Variants in RELN observed in about 807,000 individuals in gnomAD.
RELN encodes the protein reelin.
RELN carries 108 observed loss-of-function variants against 427.6 expected under a neutral mutation model. The observed-to-expected ratio is 0.25, with a 90% CI of 0.22 to 0.30. The LOEUF is 0.30. Among genes scored for constraint, RELN ranks in the 10% least tolerant of loss-of-function variants. RELN has a pLI of 1.00. For missense variants in RELN, 3,715 were observed against 4,302.8 expected (o/e 0.86, Z 3.82); for synonymous variants, 1,524 against 1,513.4 (o/e 1.01, Z -0.16).
At chr7:103,899,913 C>T (rs1028422836) in intron 2 of RELN, among the ~76,000 whole-genome samples, 2 of 152,126 alleles carry the variant, frequency 1.3e-5, no homozygotes, top group African/African-American at 2.4e-5. Flanking sequence ...TCTTTCACCA[C>T]TCCTATTCAA....
At chr7:103,556,821 C>T (rs778695631) in intron 38 of RELN, among the ~76,000 whole-genome samples, 156 bp downstream of exon 38, 5 of 152,164 alleles carry the variant, frequency 3.3e-5, no homozygotes, top group East Asian at 1.9e-4. Context: ...AGCACGAAAA[C>T]GGACTAATAC....
chr7:103,755,628 A>AAAT (rs1562993503), intron 4 of RELN, among the ~76,000 whole-genome samples: 10 of 94,846 alleles, frequency 1.1e-4, no homozygotes, highest in African/African-American at 4.7e-4. Context: ...TAAAAAAAAT[A>AAAT]AAATAAATAA....
chr7:103,491,846 T>TCACACACACACACACACACA, intron 58 of RELN, 107 bp downstream of exon 58: 1 of 609,820 alleles, frequency 1.6e-6, no homozygotes, highest in East Asian at 3.9e-5. Flanking sequence ...TCTCTCTCTC[T>TCACACACACACACACACACA]CTCTCTCTCT....
intron 8 of RELN, among the ~76,000 whole-genome samples, chr7:103,704,992 G>A (rs994920474): frequency 4.6e-5 from 7 of 152,160 alleles, no homozygotes; most frequent in African/African-American, 1.2e-4. Flanking sequence ...TTTCTGGGAT[G>A]TTCTCTTCTC....
At chr7:103,583,413 T>A (rs553726948) in intron 28 of RELN, among the ~76,000 whole-genome samples, 2 of 152,358 alleles carry the variant, frequency 1.3e-5, no homozygotes, top group South Asian at 4.1e-4. Flanking sequence ...AGATTTGATA[T>A]TGGGGAAGCC....
rs1831541613 is a variant in RELN, at chr7:103,596,566, G to A, written c.3429C>T (p.Cys1143=). 1 of 1,613,922 alleles carries A rather than the reference G, an allele frequency of 6.2e-7. No homozygotes were observed. Among genetic ancestry groups the A allele is most frequent in the African/African-American group, 1.3e-5 (1 of 74,926 alleles). The change falls in exon 25 of 65, where the codon TGC becomes TGT. Residue 1143 remains cysteine (C), a synonymous_variant. Transcript: ENST00000428762. Reference sequence around the variant, plus strand: ...CCTCCTCTCTGCTGTCAGGCTTGTTGCATGAAGCACTCTCTCCGCCTATCT... The same window carrying A: ...CCTCCTCTCTGCTGTCAGGCTTGTTACATGAAGCACTCTCTCCGCCTATCT... ...YIQIGGESAS[C]NKPDSREEGV...
intron 49 of RELN, among the ~76,000 whole-genome samples, chr7:103,518,054 C>T (rs947997912): frequency 1.3e-5 from 2 of 152,116 alleles, no homozygotes; most frequent in East Asian, 3.9e-4. Context: ...ATGAAAGTCA[C>T]ATGCTGAGTG....
chr7:103,620,176 G>A lies in RELN; in HGVS notation c.2703-8373C>T, dbSNP rs1832185044. Among the ~76,000 whole-genome samples the A allele has an allele frequency of 6.6e-6, 1 of 152,110 alleles. No individual in the cohort carries two copies. Among genetic ancestry groups the A allele is most frequent in the Non-Finnish European group, 1.5e-5 (1 of 68,030 alleles). On this transcript the variant is annotated intron_variant, in intron 20 of 64. Transcript: ENST00000428762. The surrounding 1 kb of genome is among the most constrained non-coding windows in gnomAD (Gnocchi z 4.1). ...TCATGAGAACTGATGATTTTATAAG[G>A]CTTTTGCTTGACTCTCATTTTGTCT... is the stretch of plus-strand genomic sequence containing the variant.
chr7:103,593,828 A>T lies in RELN; in HGVS notation c.3766T>A (p.Leu1256Met). The T allele has an allele frequency of 6.2e-7, 1 of 1,613,984 alleles. No homozygotes were observed. The highest frequency in any genetic ancestry group is 1.3e-5 in the African/African-American group (1 of 75,054). The stretch of plus-strand genomic sequence containing the variant: ...ACCATTCCTTCATTAGCCAACATCA[A>T]CCACACACTCATCTGATTCATAGGG... ...DYPMNQMSVW[L>M]MLANEGMVKN... Residue 1256 changes from leucine (L) to methionine (M), a missense_variant, in exon 27 of 65, where the codon TTG becomes ATG. By Grantham distance (15) the Leu-to-Met change is conservative. Transcript: ENST00000428762.
intron 3 of RELN, among the ~76,000 whole-genome samples, chr7:103,816,278 C>T (rs1350280097): frequency 6.6e-6 from 1 of 152,090 alleles, no homozygotes; most frequent in East Asian, 1.9e-4. Context: ...ACTCAGGAGG[C>T]TGGAGCAGGA....
chr7:103,917,168 T>G lies in RELN; in HGVS notation c.244A>C (p.Thr82Pro). The stretch of plus-strand genomic sequence containing the variant: ...GTCACCAGCAAGCCGTCAAAAAAGG[T>G]GCTTGTTGAAATTGTCACTGAAATG... The part of the protein sequence containing the change: ...QEYHVTISTS[T>P]FFDGLLVTGL... Residue 82 changes from threonine (T) to proline (P), a missense_variant, in exon 2 of 65, where the codon ACC becomes CCC. Coordinates refer to ENST00000428762, the MANE Select transcript of RELN (RefSeq NM_005045.4). The G allele has an allele frequency of 6.2e-7, 1 of 1,613,390 alleles. No homozygotes were observed. Among genetic ancestry groups the G allele is most frequent in the Non-Finnish European group, 8.5e-7 (1 of 1,179,568 alleles).
intron 53 of RELN, among the ~76,000 whole-genome samples, chr7:103,500,426 T>G (rs1040303717): frequency 1.3e-5 from 2 of 151,994 alleles, no homozygotes; most frequent in African/African-American, 4.8e-5. Flanking sequence ...GTGCATCAAT[T>G]GAAAAAGTGA....
At chr7:103,842,667 C>T (rs1295966605) in intron 2 of RELN, among the ~76,000 whole-genome samples, 1 of 152,128 alleles carries the variant, frequency 6.6e-6, no homozygotes, top group Non-Finnish European at 1.5e-5. Context: ...CTTTTCAAAG[C>T]ACTGATTTGA....
chr7:103,586,004 T>C (rs1584319215), intron 28 of RELN, among the ~76,000 whole-genome samples: 1 of 152,158 alleles, frequency 6.6e-6, no homozygotes, highest in East Asian at 1.9e-4. Context: ...AAATCCAACA[T>C]CCATTCATGA....
chr7:103,954,107 A>C (rs1033097315), intron 1 of RELN, among the ~76,000 whole-genome samples: 1 of 152,004 alleles, frequency 6.6e-6, no homozygotes, highest in Non-Finnish European at 1.5e-5. Flanking sequence ...ATTAAAAAAA[A>C]AAATTGGCCA....
In RELN at chr7:103,975,671, G is replaced by A. The variant is rs977966252; in HGVS notation, c.226+13460C>T. ...CGCCATTCTCCTGCCTCAGCCTCCC[G>A]AGTAGCTGGGACTACAGGCACCCGC... On this transcript the variant is annotated intron_variant, in intron 1 of 64. Coordinates refer to ENST00000428762, the MANE Select transcript of RELN (RefSeq NM_005045.4). Among the ~76,000 whole-genome samples the A allele has an allele frequency of 8.0e-4, 120 of 150,542 alleles. 1 individual carries two copies. Among genetic ancestry groups the A allele is most frequent in the Admixed American group, 7.5e-3 (114 of 15,114 alleles).
intron 8 of RELN, among the ~76,000 whole-genome samples, chr7:103,710,283 G>C (rs764752371): frequency 6.6e-6 from 1 of 152,196 alleles, no homozygotes; most frequent in Non-Finnish European, 1.5e-5. Context: ...ATGTCAGGAG[G>C]TGTCAGAGTG....
intron 2 of RELN, among the ~76,000 whole-genome samples, chr7:103,887,763 G>A (rs1049269909): frequency 6.6e-6 from 1 of 152,116 alleles, no homozygotes; most frequent in African/African-American, 2.4e-5. Context: ...GTGTTTTGGT[G>A]TGTACATGGG....
In RELN at chr7:103,882,354, T is replaced by C. The variant is rs560989875; in HGVS notation, c.337+34721A>G. On this transcript the variant is annotated intron_variant, in intron 2 of 64. Transcript: ENST00000428762. ...TATTTGATCATTCTGGCTATATTAC[T>C]ATGACTCTTCATTCTCTAAATCTCA... 2.6e-5 allele frequency among the ~76,000 whole-genome samples: 4 copies of C among 152,302 alleles called. No homozygotes were observed. The South Asian group carries it at 8.3e-4, about 32-fold the overall frequency.
Sources: gnomAD v4.1 joint callset for allele counts (sites outside exome capture counted in the v4.1 genomes callset) on GRCh38, gnomAD v4.1.1 for gene constraint, Gnocchi (gnomAD v3.1) non-coding constraint, MANE v1.5 for transcripts, NCBI Gene and HGNC (gene_info 2026-07-23, HGNC 2026-07-21) for gene names.